XYLT1: variants seen among roughly 807,000 people sequenced by gnomAD.
XYLT1 encodes xylosyltransferase 1, also known as beta-D-xylosyltransferase 1.
Under a neutral mutation model 91.3 loss-of-function variants are expected in XYLT1, and 36 were observed. The ratio of observed to expected loss-of-function variants is 0.39; its 90% CI spans 0.30 to 0.52. XYLT1 has a LOEUF of 0.52. Among genes scored for constraint, XYLT1 ranks in the 20% least tolerant of loss-of-function variants. XYLT1 has a pLI of 0.68. For missense variants in XYLT1, 1,242 were observed against 1,284.5 expected (o/e 0.97, Z 0.51); for synonymous variants, 588 against 532.0 (o/e 1.11, Z -1.45).
At chr16:17,355,159 T>C (rs1436853747) in intron 2 of XYLT1, 1 of 153,478 alleles carries the variant, frequency 6.5e-6, no homozygotes, top group African/African-American at 2.4e-5. Flanking sequence ...GATTGGACTT[T>C]AAGAGTCGCC....
At chr16:17,453,594 C>T (rs2036696368) in intron 1 of XYLT1, among the ~76,000 whole-genome samples, 1 of 152,194 alleles carries the variant, frequency 6.6e-6, no homozygotes, top group Non-Finnish European at 1.5e-5. Flanking sequence ...AGTCTCCGTG[C>T]TCCGATGCTG....
intron 1 of XYLT1, among the ~76,000 whole-genome samples, chr16:17,455,582 CTAAATAAA>C (rs71137993): frequency 0.1 from 14,369 of 144,236 alleles, 1,122 homozygotes; most frequent in African/African-American, 0.22. Flanking sequence ...GACTCCATCT[CTAAATAAA>C]TAAATAAATA....
At chr16:17,397,516 G>A (rs539857272) in intron 1 of XYLT1, among the ~76,000 whole-genome samples, 10 of 152,134 alleles carry the variant, frequency 6.6e-5, no homozygotes, top group Non-Finnish European at 1.3e-4. Context: ...TGGGGTACCT[G>A]TTCTCCAGAT....
intron 2 of XYLT1, among the ~76,000 whole-genome samples, chr16:17,335,883 A>C (rs1012183711): frequency 2.0e-5 from 3 of 152,178 alleles, no homozygotes; most frequent in African/African-American, 7.2e-5. Context: ...ATTTGCTATA[A>C]ATGGAAGGTA....
At position 17,289,400 on chromosome 16, in the gene XYLT1, C is replaced by T. The variant is rs1489035572; in HGVS notation, c.403-29902G>A. Reference sequence around the variant, plus strand: ...CCTCTAGAATTTCCACATAAAATCCCGCAATTGTCTTCTGCCATGTTTATG... The same window carrying T: ...CCTCTAGAATTTCCACATAAAATCCTGCAATTGTCTTCTGCCATGTTTATG... On this transcript the variant is annotated intron_variant, in intron 2 of 11. Transcript: ENST00000261381. Among the ~76,000 whole-genome samples, 4 of 152,194 alleles carry T rather than the reference C, an allele frequency of 2.6e-5. No individual in the cohort carries two copies. The South Asian group carries it at 6.2e-4, about 24-fold the overall frequency.
At chr16:17,440,022 C>T (rs1325354128) in intron 1 of XYLT1, among the ~76,000 whole-genome samples, 1 of 152,216 alleles carries the variant, frequency 6.6e-6, no homozygotes, top group African/African-American at 2.4e-5. Context: ...CTCCCATATT[C>T]TCTCTTAGAT....
rs922447001 is a variant in XYLT1 at position 17,104,860 on chromosome 16, A to G, written c.*3835T>C. On this transcript the variant is annotated 3_prime_UTR_variant, in exon 12 of 12. Coordinates refer to ENST00000261381, the MANE Select transcript of XYLT1 (RefSeq NM_022166.4). ...CACAGTCCCCATCCTTGCCCCCACC[A>G]TGCCCTTTTGCCTCACACCAACCAT... 1 of 152,204 alleles carries G rather than the reference A, an allele frequency of 6.6e-6. No individual in the cohort carries two copies. Among genetic ancestry groups the G allele is most frequent in the Non-Finnish European group, 1.5e-5 (1 of 68,072 alleles). The allele number at this position is 152,204 out of a possible 1,614,324, so 9.4% of individuals were successfully genotyped here.
chr16:17,256,300 C>G (rs1454572045), intron 3 of XYLT1, among the ~76,000 whole-genome samples: 1 of 152,100 alleles, frequency 6.6e-6, no homozygotes, highest in Admixed American at 6.5e-5. Flanking sequence ...AACTGGGGGA[C>G]CTGGCATAAG....
chr16:17,172,497 G>A lies in XYLT1; in HGVS notation c.1290-13588C>T, dbSNP rs1195329251. 6.9e-5 allele frequency among the ~76,000 whole-genome samples: 9 copies of A among 130,450 alleles called. No individual in the cohort carries two copies. In the Admixed American group the frequency reaches 8.1e-4, roughly 12 times the overall value. 85.6% of individuals were successfully genotyped at this position (130,450 alleles called of 152,430 possible). The stretch of plus-strand genomic sequence containing the variant: ...TTTTTTTTTTTTTTTTTGAGACGGA[G>A]TCTCGCTCTTGTTGCCCAGGCTGGA... On this transcript the variant is annotated intron_variant, in intron 5 of 11. Transcript: ENST00000261381.
At chr16:17,382,458 AT>A (rs1372871322) in intron 1 of XYLT1, among the ~76,000 whole-genome samples, 2 of 151,916 alleles carry the variant, frequency 1.3e-5, no homozygotes, top group Non-Finnish European at 2.9e-5. Flanking sequence ...TTCTAATTCT[AT>A]TTAAGATTAC....
chr16:17,148,051 G>A (rs1259991072), intron 6 of XYLT1, among the ~76,000 whole-genome samples: 1 of 152,198 alleles, frequency 6.6e-6, no homozygotes, highest in Non-Finnish European at 1.5e-5. Flanking sequence ...TACTAATCCT[G>A]CCTCTGCATT....
chr16:17,461,129 T>C (rs1199849072), intron 1 of XYLT1, among the ~76,000 whole-genome samples: 1 of 152,180 alleles, frequency 6.6e-6, no homozygotes, highest in Non-Finnish European at 1.5e-5. Context: ...CTCCCCTGGA[T>C]CATTTCCAGG....
rs942860076 is a variant in XYLT1 at position 17,413,635 on chromosome 16, G to A, written c.364-55585C>T. 3.3e-5 allele frequency among the ~76,000 whole-genome samples: 5 copies of A among 151,908 alleles called. No homozygotes were observed. In the South Asian group the frequency reaches 6.2e-4, roughly 19 times the overall value. Reference sequence around the variant, plus strand: ...GTATTTTTTGTAGAGATGGGGTTTCGCCATGTTGCTCAGGCCGGTCTTGAA... The same window carrying A: ...GTATTTTTTGTAGAGATGGGGTTTCACCATGTTGCTCAGGCCGGTCTTGAA... On this transcript the variant is annotated intron_variant, in intron 1 of 11. Coordinates refer to ENST00000261381, the MANE Select transcript of XYLT1 (RefSeq NM_022166.4).
At chr16:17,401,281 G>A (rs2035966209) in intron 1 of XYLT1, among the ~76,000 whole-genome samples, 1 of 150,904 alleles carries the variant, frequency 6.6e-6, no homozygotes, top group Non-Finnish European at 1.5e-5. Flanking sequence ...CTGCCTTGAG[G>A]TTGCTGGGAA....
intron 1 of XYLT1, among the ~76,000 whole-genome samples, chr16:17,414,567 G>A (rs541042746): frequency 1.8e-3 from 280 of 152,256 alleles, no homozygotes; most frequent in African/African-American, 6.2e-3. Context: ...CCTTGTAAGC[G>A]CCTTGCTTTC....
intron 1 of XYLT1, among the ~76,000 whole-genome samples, chr16:17,401,705 G>GTTATTATTA (rs536472449): frequency 1.0e-3 from 154 of 150,198 alleles, no homozygotes; most frequent in African/African-American, 3.5e-3. Context: ...AGTGGCTATG[G>GTTATTATTA]TTATTATTAT....
At chr16:17,287,646 C>G (rs931532535) in intron 2 of XYLT1, among the ~76,000 whole-genome samples, 4 of 152,198 alleles carry the variant, frequency 2.6e-5, no homozygotes, top group African/African-American at 9.6e-5. Flanking sequence ...CCCTGGACTC[C>G]GTTCAGATGT....
intron 2 of XYLT1, among the ~76,000 whole-genome samples, chr16:17,307,261 G>C (rs2034483411): frequency 6.6e-6 from 1 of 152,144 alleles, no homozygotes; most frequent in African/African-American, 2.4e-5. Flanking sequence ...CATTTTAGTA[G>C]AGATGAGGTT....
chr16:17,138,352 C>T lies in XYLT1; in HGVS notation c.1764+3G>A, dbSNP rs147978944. On this transcript the variant is annotated splice_donor_region_variant and intron_variant, in intron 8 of 11. Transcript: ENST00000261381. Reference sequence around the variant, plus strand: ...AGGCTGGCAGACCATGAGAAAGTCTCACCTGGAAGCGGTGGAAGTCCTGCG... The same window carrying T: ...AGGCTGGCAGACCATGAGAAAGTCTTACCTGGAAGCGGTGGAAGTCCTGCG... The T allele has an allele frequency of 4.8e-5, 77 of 1,609,210 alleles. No homozygotes were observed. In the African/African-American group the frequency reaches 8.7e-4, roughly 18 times the overall value.
Sources: allele counts gnomAD v4.1 joint callset (sites outside exome capture counted in the v4.1 genomes callset), GRCh38; gene constraint gnomAD v4.1.1; transcripts MANE v1.5; gene names NCBI Gene and HGNC (gene_info 2026-07-23, HGNC 2026-07-21).